The following RUNX1 variants were observed in gnomAD, a reference collection of about 807,000 sequenced individuals.
RUNX1 encodes runt-related transcription factor 1.
Under a neutral mutation model 42.8 loss-of-function variants are expected in RUNX1, and 19 were observed. The ratio of observed to expected loss-of-function variants is 0.44; its 90% CI spans 0.31 to 0.65. RUNX1 has a LOEUF of 0.65. Ranked by LOEUF, RUNX1 falls within the 30% of genes least tolerant of loss-of-function variation. RUNX1 has a pLI of 0.07. For synonymous variants in RUNX1, 271 were observed against 289.4 expected (o/e 0.94, Z 0.64); for missense variants, 528 against 672.0 (o/e 0.79, Z 2.37).
intron 2 of RUNX1, among the ~76,000 whole-genome samples, chr21:34,908,825 A>G (rs1273348923): frequency 6.6e-6 from 1 of 152,196 alleles, no homozygotes; most frequent in African/African-American, 2.4e-5. Flanking sequence ...TTGCATATAC[A>G]TAGAATGGGA....
Position 34,887,482 on chromosome 21 carries a change from T to C in RUNX1, c.98-386A>G, listed in dbSNP as rs920599802. 1.4e-5 allele frequency: 17 copies of C among 1,227,270 alleles called. No homozygotes were observed. In the African/African-American group the frequency reaches 2.6e-4, roughly 19 times the overall value. 76.0% of individuals were successfully genotyped at this position (1,227,270 alleles called of 1,614,324 possible). On this transcript the variant is annotated intron_variant, in intron 3 of 8. Transcript: ENST00000675419. Reference sequence around the variant, plus strand: ...AAATTCTCATACACTTCCTAAAATATTTATGCGAAGAGTAAAACGATCAGC... The same window carrying C: ...AAATTCTCATACACTTCCTAAAATACTTATGCGAAGAGTAAAACGATCAGC...
chr21:34,796,662 C>T lies in RUNX1; in HGVS notation c.967+2639G>A, dbSNP rs142927881. Reference sequence around the variant, plus strand: ...AGCTTGACATGGATGAAAGCAGCCTCGCTACAGGGCCCCTCCTACTGCCCC... The same window carrying T: ...AGCTTGACATGGATGAAAGCAGCCTTGCTACAGGGCCCCTCCTACTGCCCC... On this transcript the variant is annotated intron_variant, in intron 8 of 8. Coordinates refer to ENST00000675419, the MANE Select transcript of RUNX1 (RefSeq NM_001754.5). Among the ~76,000 whole-genome samples, 70 of 152,324 alleles carry T rather than the reference C, an allele frequency of 4.6e-4. No individual in the cohort carries two copies. In the East Asian group the frequency reaches 0.012, roughly 26 times the overall value.
intron 6 of RUNX1, among the ~76,000 whole-genome samples, chr21:34,852,262 C>T: frequency 6.6e-6 from 1 of 152,158 alleles, no homozygotes; most frequent in East Asian, 1.9e-4. Context: ...ACCAAGAATA[C>T]ACAGGCCACG....
At chr21:34,965,606 G>A (rs192632263) in intron 2 of RUNX1, among the ~76,000 whole-genome samples, 10 of 152,280 alleles carry the variant, frequency 6.6e-5, no homozygotes, top group Admixed American at 3.3e-4. Flanking sequence ...CAGGATATTT[G>A]TATAAAGAAC....
At chr21:34,810,284 A>G (rs188546745) in intron 7 of RUNX1, among the ~76,000 whole-genome samples, 6 of 152,362 alleles carry the variant, frequency 3.9e-5, no homozygotes, top group African/African-American at 1.4e-4. Context: ...TTCTGCTTCC[A>G]TATGACATGG....
chr21:34,826,742 G>A (rs1040523886), intron 7 of RUNX1, among the ~76,000 whole-genome samples: 8 of 152,132 alleles, frequency 5.3e-5, no homozygotes, highest in Non-Finnish European at 1.0e-4. Context: ...ACTGTGCCCA[G>A]CTGTGAATTA....
At chr21:34,983,432 C>T (rs1463995426) in intron 2 of RUNX1, among the ~76,000 whole-genome samples, 2 of 152,200 alleles carry the variant, frequency 1.3e-5, no homozygotes, top group African/African-American at 4.8e-5. Flanking sequence ...AGAGCTTTCA[C>T]TTTTTCATAA....
At position 34,792,812 on chromosome 21, in the gene RUNX1, AG is replaced by A. The variant is rs1258660666; in HGVS notation, c.968-203del. Among the ~76,000 whole-genome samples, 1 of 150,484 alleles carries A rather than the reference AG, an allele frequency of 6.6e-6. No individual in the cohort carries two copies. The highest frequency in any genetic ancestry group is 1.5e-5 in the Non-Finnish European group (1 of 67,526). On this transcript the variant is annotated intron_variant, in intron 8 of 8. Coordinates refer to ENST00000675419, the MANE Select transcript of RUNX1 (RefSeq NM_001754.5). This position sits in a 1 kb window ranked among gnomAD's most constrained non-coding sequence, Gnocchi z 6.9. ...GAGGATTACCCAGGATGCTATACCC[AG>A]GGGGACAGGGACCACCCAGGATGCC...
chr21:34,936,325 T>C (rs2058485375), intron 2 of RUNX1, among the ~76,000 whole-genome samples: 1 of 152,064 alleles, frequency 6.6e-6, no homozygotes, highest in Non-Finnish European at 1.5e-5. Context: ...TTTAAATTAG[T>C]ACAAAACTTG....
At chr21:34,812,934 G>T (rs2056776405) in intron 7 of RUNX1, among the ~76,000 whole-genome samples, 4 of 152,150 alleles carry the variant, frequency 2.6e-5, no homozygotes, top group Admixed American at 2.6e-4. Context: ...TGGAAGACAG[G>T]AATGCTAGGA....
At chr21:34,986,110 G>C (rs1376696141) in intron 2 of RUNX1, among the ~76,000 whole-genome samples, 1 of 151,894 alleles carries the variant, frequency 6.6e-6, no homozygotes, top group Non-Finnish European at 1.5e-5. Flanking sequence ...GGGCTCAAGG[G>C]ATCCCGCCTC....
intron 3 of RUNX1, chr21:34,887,607 A>G: frequency 9.2e-7 from 1 of 1,089,414 alleles, no homozygotes; most frequent in Non-Finnish European, 1.1e-6. Context: ...TCCCGTAACA[A>G]GGCCACTTTT....
chr21:34,894,615 C>T (rs1166827465), intron 2 of RUNX1, among the ~76,000 whole-genome samples: 3 of 151,992 alleles, frequency 2.0e-5, no homozygotes, highest in South Asian at 2.1e-4. Flanking sequence ...GGGGAGGTTG[C>T]GTGTGTTTAA....
chr21:34,889,789 C>G, intron 3 of RUNX1: 1 of 1,138,918 alleles, frequency 8.8e-7, no homozygotes, highest in South Asian at 2.4e-5. Flanking sequence ...GCTGCCAACT[C>G]CGACCCCGCC....
At chr21:34,985,166 C>T (rs990115) in intron 2 of RUNX1, among the ~76,000 whole-genome samples, 55,000 of 152,036 alleles carry the variant, frequency 0.36, 9,954 homozygotes, top group East Asian at 0.41. Context: ...ACTTAGCACT[C>T]CATTGAAAGG....
At chr21:34,804,546 T>C (rs1051641782) in intron 7 of RUNX1, among the ~76,000 whole-genome samples, 1 of 151,742 alleles carries the variant, frequency 6.6e-6, no homozygotes, top group Admixed American at 6.6e-5. Context: ...AAACTTTCAA[T>C]AAAAAATTAC....
At chr21:35,016,515 A>C (rs922385412) in intron 2 of RUNX1, among the ~76,000 whole-genome samples, 1 of 152,212 alleles carries the variant, frequency 6.6e-6, no homozygotes, top group African/African-American at 2.4e-5. Context: ...GAGGGACTGC[A>C]TATTGGAGGA....
chr21:34,852,889 G>A (rs1267294280), intron 6 of RUNX1, among the ~76,000 whole-genome samples: 1 of 152,222 alleles, frequency 6.6e-6, no homozygotes, highest in African/African-American at 2.4e-5. Context: ...TGCGATTGTG[G>A]ATTGGTAATT....
intron 2 of RUNX1, among the ~76,000 whole-genome samples, chr21:34,960,468 T>C (rs983766155): frequency 2.0e-5 from 3 of 152,196 alleles, no homozygotes; most frequent in Non-Finnish European, 4.4e-5. Flanking sequence ...CTGAATCTGA[T>C]TTGGAACACC....
Sources: allele counts gnomAD v4.1 joint callset (sites outside exome capture counted in the v4.1 genomes callset), GRCh38; gene constraint gnomAD v4.1.1; non-coding constraint Gnocchi (gnomAD v3.1); transcripts MANE v1.5; gene names NCBI Gene and HGNC (gene_info 2026-07-23, HGNC 2026-07-21).